Variants in EYS observed in about 807,000 individuals in gnomAD.
EYS encodes the protein protein eyes shut homolog.
A neutral mutation model predicts 282.1 loss-of-function variants in EYS; 250 were observed. That is an observed-to-expected ratio of 0.89 (90% CI 0.80 to 0.98). The LOEUF (loss-of-function observed/expected upper bound fraction) is 0.98, where lower values mean the gene tolerates loss of function less well. Ranked by LOEUF, EYS falls within the 50% of genes least tolerant of loss-of-function variation. EYS has a pLI of 0.00. For missense variants in EYS, 4,016 were observed against 3,709.0 expected (o/e 1.08, Z -2.15); for synonymous variants, 1,355 against 1,282.9 (o/e 1.06, Z -1.20).
At chr6:64,038,768 C>T (rs991757229) in intron 33 of EYS, among the ~76,000 whole-genome samples, 4 of 151,488 alleles carry the variant, frequency 2.6e-5, no homozygotes, top group Non-Finnish European at 4.4e-5. Flanking sequence ...CTTTATTCTA[C>T]CTAATTTTCT....
At chr6:65,427,819 G>C (rs1322521886) in intron 5 of EYS, among the ~76,000 whole-genome samples, 1 of 151,958 alleles carries the variant, frequency 6.6e-6, no homozygotes, top group East Asian at 1.9e-4. Context: ...TTATATTCAG[G>C]ATATAATTCA....
intron 28 of EYS, among the ~76,000 whole-genome samples, chr6:64,398,210 A>C (rs1040718369): frequency 6.6e-6 from 1 of 151,926 alleles, no homozygotes; most frequent in Admixed American, 6.6e-5. Context: ...TGCTTACCAC[A>C]TTATTACACA....
intron 35 of EYS, among the ~76,000 whole-genome samples, chr6:63,873,332 T>TC (rs1772867409): frequency 6.6e-6 from 1 of 152,204 alleles, no homozygotes; most frequent in Non-Finnish European, 1.5e-5. Context: ...GGACATGAAC[T>TC]CATCCTTTTT....
At chr6:65,116,579 CT>C (rs1250457831) in intron 12 of EYS, among the ~76,000 whole-genome samples, 1 of 152,030 alleles carries the variant, frequency 6.6e-6, no homozygotes, top group African/African-American at 2.4e-5. Context: ...CAAGGAACTG[CT>C]TATGGCTCCT....
At chr6:64,330,455 C>T (rs764940420) in intron 29 of EYS, among the ~76,000 whole-genome samples, 4 of 152,150 alleles carry the variant, frequency 2.6e-5, no homozygotes, top group African/African-American at 4.8e-5. Flanking sequence ...GAGCAGGACA[C>T]GGCCTTCAAA....
intron 26 of EYS, among the ~76,000 whole-genome samples, chr6:64,546,190 C>T (rs1210879656): frequency 1.3e-5 from 2 of 152,110 alleles, no homozygotes; most frequent in African/African-American, 4.8e-5. Flanking sequence ...ACCAATGGAA[C>T]AGAACAGAGC....
intron 32 of EYS, among the ~76,000 whole-genome samples, chr6:64,073,048 T>C (rs550730141): frequency 6.6e-6 from 1 of 152,020 alleles, no homozygotes; most frequent in South Asian, 2.1e-4. Flanking sequence ...AATAGTCTTA[T>C]TCAAGTATAC....
intron 12 of EYS, among the ~76,000 whole-genome samples, chr6:65,154,117 AG>A (rs1764679839): frequency 6.6e-6 from 1 of 151,838 alleles, no homozygotes; most frequent in African/African-American, 2.4e-5. Flanking sequence ...AGAGGGCTCA[AG>A]TCTTTTGAAC....
intron 24 of EYS, among the ~76,000 whole-genome samples, chr6:64,604,588 A>G (rs1582945446): frequency 6.6e-6 from 1 of 152,152 alleles, no homozygotes; most frequent in East Asian, 1.9e-4. Context: ...GAAAACTTTA[A>G]GGATAATTTT....
rs565801952 is a variant in EYS at position 64,435,659 on chromosome 6, A to T, written c.5927+515T>A. Among the ~76,000 whole-genome samples the T allele has an allele frequency of 2.0e-5, 3 of 150,264 alleles. No homozygotes were observed. In the East Asian group the frequency reaches 6.2e-4, roughly 31 times the overall value. ...AAAATTTACTAAAAATCAAATGAGA[A>T]AAAGGAAAAGTTTACTTATCAGATT... On this transcript the variant is annotated intron_variant, in intron 28 of 42. Transcript: ENST00000503581.
Position 64,591,170 on chromosome 6 carries a change from G to T in EYS, c.4697C>A (p.Ser1566Tyr). 1 of 1,551,226 alleles carries T rather than the reference G, an allele frequency of 6.4e-7. No individual in the cohort carries two copies. Among genetic ancestry groups the T allele is most frequent in the Non-Finnish European group, 8.7e-7 (1 of 1,146,738 alleles). ...CATCSMTEIK[S>Y]SREFSDQVLH... ...AACTTGATCTGAGAATTCACGAGAG[G>T]ATTTTATTTCAGTCATAGAACATGT... Residue 1566 changes from serine to tyrosine, a missense_variant, in exon 26 of 43, where the codon TCC becomes TAC. By Grantham distance (144) the Ser-to-Tyr change is moderately radical. Coordinates refer to ENST00000503581, the MANE Select transcript of EYS (RefSeq NM_001142800.2).
At chr6:64,816,480 C>A (rs11961876) in intron 21 of EYS, among the ~76,000 whole-genome samples, 1 of 151,878 alleles carries the variant, frequency 6.6e-6, no homozygotes, top group African/African-American at 2.4e-5. Context: ...CTTCTCTTAC[C>A]CCCACTTGTT....
At chr6:64,145,653 A>G (rs910723114) in intron 31 of EYS, among the ~76,000 whole-genome samples, 1 of 151,982 alleles carries the variant, frequency 6.6e-6, no homozygotes, top group African/African-American at 2.4e-5. Context: ...TTTTTTCTTT[A>G]CTCTTGTAAG....
intron 36 of EYS, among the ~76,000 whole-genome samples, chr6:63,818,928 C>G (rs1381018241): frequency 6.6e-6 from 1 of 152,246 alleles, no homozygotes; most frequent in Non-Finnish European, 1.5e-5. Context: ...TTGTCTCCTT[C>G]CATCCAAAAA....
At chr6:65,311,795 T>A (rs1055508997) in intron 11 of EYS, among the ~76,000 whole-genome samples, 1 of 152,124 alleles carries the variant, frequency 6.6e-6, no homozygotes, top group African/African-American at 2.4e-5. Flanking sequence ...TCATTATGTA[T>A]CCCAAAGCAG....
chr6:64,723,658 T>C (rs1165197592), intron 22 of EYS, among the ~76,000 whole-genome samples: 2 of 152,228 alleles, frequency 1.3e-5, no homozygotes, highest in Admixed American at 1.3e-4. Context: ...TATAAATCAA[T>C]ATCCTTCCTC....
chr6:65,579,574 C>A (rs868692778), intron 2 of EYS, among the ~76,000 whole-genome samples: 1 of 152,034 alleles, frequency 6.6e-6, no homozygotes, highest in Non-Finnish European at 1.5e-5. Flanking sequence ...TGAGGCCTCT[C>A]TTTCTTCCTT....
chr6:64,342,895 G>A (rs923268412), intron 29 of EYS, among the ~76,000 whole-genome samples: 4 of 151,938 alleles, frequency 2.6e-5, no homozygotes, highest in Admixed American at 2.6e-4. Context: ...AAAAAGGCAG[G>A]GGTTGCAATC....
Position 64,593,199 on chromosome 6 carries a change from A to G in EYS, c.3795T>C (p.Pro1265=). The change falls in exon 25 of 43, where the codon CCT becomes CCC. Residue 1265 remains proline, a synonymous_variant. Coordinates refer to ENST00000503581, the MANE Select transcript of EYS (RefSeq NM_001142800.2). ...GAAAGCTGCTGACCAAAGTCTCAGA[A>G]GGGGGAATTGTATATGTCTGTGTGG... ...PISTQTYTIP[P]SETLVSSFPS... is the part of the protein sequence containing the mutation. 1 of 1,550,118 alleles carries G rather than the reference A, an allele frequency of 6.5e-7. No homozygotes were observed. Among genetic ancestry groups the G allele is most frequent in the East Asian group, 2.5e-5 (1 of 40,756 alleles).
Sources: allele counts gnomAD v4.1 joint callset (sites outside exome capture counted in the v4.1 genomes callset), GRCh38; gene constraint gnomAD v4.1.1; transcripts MANE v1.5; gene names NCBI Gene and HGNC (gene_info 2026-07-23, HGNC 2026-07-21).